Variants in SPATA16 observed in about 807,000 individuals in gnomAD.
SPATA16 encodes spermatogenesis associated 16.
SPATA16 carries 36 observed loss-of-function variants against 63.3 expected under a neutral mutation model. That is an observed-to-expected ratio of 0.57 (90% CI 0.44 to 0.75). The LOEUF (loss-of-function observed/expected upper bound fraction) is 0.75. Ranked by LOEUF, SPATA16 falls within the 30% of genes least tolerant of loss-of-function variation. The probability of loss-of-function intolerance (pLI) is 0.00; values close to 1 mark genes in which losing one functional copy is unlikely to be tolerated. For missense variants in SPATA16, 646 were observed against 679.3 expected, an observed-to-expected ratio of 0.95 and a Z score of 0.54; for synonymous variants, 203 against 216.7, an observed-to-expected ratio of 0.94 and a Z score of 0.56.
intron 6 of SPATA16, among the ~76,000 whole-genome samples, chr3:172,945,474 A>G (rs1225517844): frequency 6.6e-6 from 1 of 152,222 alleles, no homozygotes; most frequent in East Asian, 1.9e-4. Context: ...TTTTAACATC[A>G]CATAAAGGAA....
Position 173,049,081 on chromosome 3 carries a change from C to A in SPATA16, c.626G>T (p.Gly209Val), listed in dbSNP as rs1161085338. The A allele has an allele frequency of 6.2e-6, 10 of 1,613,088 alleles. No homozygotes were observed. The highest frequency in any genetic ancestry group is 7.6e-6 in the Non-Finnish European group (9 of 1,179,494). The change falls in exon 3 of 11, where the codon GGA (glycine) becomes GTA (valine). Residue 209 changes from glycine (G) to valine (V), a missense_variant. By Grantham distance (109) the Gly-to-Val change is moderately radical (BLOSUM62 -3). Transcript: ENST00000351008. ...FRTALELCSKGAVLGEPFDAP... is the reference protein window; with the variant it reads ...FRTALELCSKVAVLGEPFDAP... Reference sequence around the variant, plus strand: ...ATCAAATGGTTCTCCCAGAACTGCTCCTTTGCTGCAAAGCTTTAAAAAATA... The same window carrying A: ...ATCAAATGGTTCTCCCAGAACTGCTACTTTGCTGCAAAGCTTTAAAAAATA...
intron 3 of SPATA16, among the ~76,000 whole-genome samples, chr3:173,041,180 C>T (rs1735831079): frequency 6.6e-6 from 1 of 152,020 alleles, no homozygotes. Flanking sequence ...AGGCAAACTG[C>T]CTAACTTGCA....
chr3:172,916,298 A>G lies in SPATA16; in HGVS notation c.1503+19T>C, dbSNP rs768217981. 32 of 1,612,074 alleles carry G rather than the reference A, an allele frequency of 2.0e-5. No homozygotes were observed. In the South Asian group the frequency reaches 3.3e-4, roughly 17 times the overall value. On this transcript the variant is annotated intron_variant, in intron 9 of 10. Transcript: ENST00000351008. The stretch of plus-strand genomic sequence containing the variant: ...TGGCTCTGGGCCTATGAAACCCTTA[A>G]ACAAAGAAAAATACTTACCAATTCT...
At chr3:173,041,933 C>T (rs1448353050) in intron 3 of SPATA16, among the ~76,000 whole-genome samples, 1 of 151,822 alleles carries the variant, frequency 6.6e-6, no homozygotes, top group East Asian at 1.9e-4. Flanking sequence ...TGCACATGTA[C>T]CCTAAAACTT....
chr3:173,107,483 G>A (rs2108329578), intron 2 of SPATA16, among the ~76,000 whole-genome samples: 1 of 148,826 alleles, frequency 6.7e-6, no homozygotes, highest in Middle Eastern at 3.4e-3. Context: ...TCCCTAAGTA[G>A]CTACATCCTA....
At chr3:173,013,420 G>T (rs1268760150) in intron 4 of SPATA16, among the ~76,000 whole-genome samples, 2 of 152,176 alleles carry the variant, frequency 1.3e-5, no homozygotes, top group Non-Finnish European at 2.9e-5. Flanking sequence ...GTATACAGGA[G>T]GATATCTTTA....
intron 3 of SPATA16, among the ~76,000 whole-genome samples, chr3:173,042,948 C>G (rs1055696735): frequency 2.6e-5 from 4 of 151,932 alleles, no homozygotes; most frequent in Non-Finnish European, 4.4e-5. Context: ...AGTAGTACAC[C>G]TTCTCTTAAA....
chr3:173,068,467 A>G (rs182727486), intron 2 of SPATA16, among the ~76,000 whole-genome samples: 1 of 152,328 alleles, frequency 6.6e-6, no homozygotes, highest in East Asian at 1.9e-4. Context: ...TGCAATCATA[A>G]TAGTAACCAC....
intron 10 of SPATA16, among the ~76,000 whole-genome samples, chr3:172,898,424 T>G (rs1732053933): frequency 6.6e-6 from 1 of 151,932 alleles, no homozygotes; most frequent in African/African-American, 2.4e-5. Flanking sequence ...ATGAAACTAT[T>G]TTATATTGGG....
chr3:172,901,027 A>T (rs1732116232), intron 10 of SPATA16, among the ~76,000 whole-genome samples: 1 of 151,518 alleles, frequency 6.6e-6, no homozygotes, highest in East Asian at 2.0e-4. Context: ...CCATCCAATA[A>T]ATTTTTTGTT....
At chr3:173,036,746 CA>C (rs1735722230) in intron 3 of SPATA16, among the ~76,000 whole-genome samples, 1 of 151,930 alleles carries the variant, frequency 6.6e-6, no homozygotes, top group African/African-American at 2.4e-5. Flanking sequence ...ATAAGTCAAC[CA>C]TATTATAATA....
chr3:173,015,872 G>GTGTA (rs1735172254), intron 4 of SPATA16, among the ~76,000 whole-genome samples: 1 of 151,900 alleles, frequency 6.6e-6, no homozygotes, highest in Non-Finnish European at 1.5e-5. Flanking sequence ...GTGTGTGTGT[G>GTGTA]TGTGTGTGTG....
chr3:172,992,316 C>T (rs960304831), intron 4 of SPATA16, among the ~76,000 whole-genome samples: 2 of 151,900 alleles, frequency 1.3e-5, no homozygotes, highest in African/African-American at 4.8e-5. Context: ...TTTTGGAAAG[C>T]AATAACAGCT....
rs1158793429 is a variant in SPATA16 at position 173,111,990 on chromosome 3, CCT to C, written c.612+5128_612+5129del. On this transcript the variant is annotated intron_variant, in intron 2 of 10. Transcript: ENST00000351008. Reference sequence around the variant, plus strand: ...AATATCCTTCATTTTGAGAGTATGACCTCTCTGTTTCTTTTTATCTTTCCTTC... The same window carrying C: ...AATATCCTTCATTTTGAGAGTATGACCTCTGTTTCTTTTTATCTTTCCTTC... 4.6e-5 allele frequency among the ~76,000 whole-genome samples: 7 copies of C among 152,172 alleles called. No individual in the cohort carries two copies. The East Asian group carries it at 1.4e-3, about 29-fold the overall frequency.
intron 1 of SPATA16, among the ~76,000 whole-genome samples, chr3:173,123,387 T>G (rs1229901289): frequency 6.6e-6 from 1 of 152,144 alleles, no homozygotes; most frequent in African/African-American, 2.4e-5. Context: ...GCTTTTTAGA[T>G]AATAGGATAA....
rs573029610 is a variant in SPATA16, at chr3:172,903,823, G to A, written c.1587+9838C>T. On this transcript the variant is annotated intron_variant, in intron 10 of 10. Transcript: ENST00000351008. ...TCAGGCAGCTACCACGAAGCAGTGTGGGCAAGTCGCCAGATGGGCAGCAAG... is the reference window on the plus strand; with the variant it reads ...TCAGGCAGCTACCACGAAGCAGTGTAGGCAAGTCGCCAGATGGGCAGCAAG... 3.9e-5 allele frequency among the ~76,000 whole-genome samples: 6 copies of A among 152,252 alleles called. No homozygotes were observed. The South Asian group carries it at 1.2e-3, about 32-fold the overall frequency.
intron 2 of SPATA16, among the ~76,000 whole-genome samples, chr3:173,089,330 C>T (rs1232803024): frequency 6.6e-6 from 1 of 152,172 alleles, no homozygotes; most frequent in East Asian, 1.9e-4. Flanking sequence ...GGCAGGAGGC[C>T]ACATCAAATG....
chr3:173,052,890 A>G (rs923887674), intron 2 of SPATA16, among the ~76,000 whole-genome samples: 3 of 152,242 alleles, frequency 2.0e-5, no homozygotes, highest in African/African-American at 7.2e-5. Context: ...ATCACTGAGA[A>G]GACTTTTAAG....
At chr3:173,048,678 C>T (rs962574418) in intron 3 of SPATA16, among the ~76,000 whole-genome samples, 4 of 152,100 alleles carry the variant, frequency 2.6e-5, no homozygotes, top group Non-Finnish European at 5.9e-5. Flanking sequence ...TTCTCTCCCT[C>T]GTTTCTTCCC....
Sources: gnomAD v4.1 joint callset for allele counts (sites outside exome capture counted in the v4.1 genomes callset) on GRCh38, gnomAD v4.1.1 for gene constraint, MANE v1.5 for transcripts, NCBI Gene and HGNC (gene_info 2026-07-23, HGNC 2026-07-21) for gene names.